DENND1A: variants seen among roughly 807,000 people sequenced by gnomAD.
DENND1A encodes DENN domain-containing protein 1A.
In DENND1A, 51 loss-of-function variants were observed where a neutral mutation model predicts 113.7. The ratio of observed to expected loss-of-function variants is 0.45; its 90% CI spans 0.36 to 0.57. The LOEUF (loss-of-function observed/expected upper bound fraction) is 0.57, where lower values mean the gene tolerates loss of function less well. Ranked by LOEUF, DENND1A falls within the 20% of genes least tolerant of loss-of-function variation. The probability of loss-of-function intolerance (pLI) is 0.00; values close to 1 mark genes in which losing one functional copy is unlikely to be tolerated. For missense variants in DENND1A, 1,258 were observed against 1,395.9 expected (o/e 0.90, Z 1.57); for synonymous variants, 565 against 570.8 (o/e 0.99, Z 0.14).
chr9:123,863,989 CAA>C (rs760383280), intron 2 of DENND1A, among the ~76,000 whole-genome samples: 106 of 134,736 alleles, frequency 7.9e-4, no homozygotes, highest in African/African-American at 2.6e-3. Context: ...TTGCTTCACT[CAA>C]AAAAAAAAAA....
At chr9:123,903,412 C>T (rs1009783013) in intron 1 of DENND1A, among the ~76,000 whole-genome samples, 2 of 150,306 alleles carry the variant, frequency 1.3e-5, no homozygotes, top group Non-Finnish European at 2.9e-5. Context: ...CAGCTCCCAG[C>T]GTGAGCAACA....
At chr9:123,436,109 G>C (rs2046496975) in intron 19 of DENND1A, among the ~76,000 whole-genome samples, 1 of 152,234 alleles carries the variant, frequency 6.6e-6, no homozygotes, top group Admixed American at 6.5e-5. Flanking sequence ...GGAAGGAGGA[G>C]CTTCCATTTC....
chr9:123,694,755 C>T (rs2065402762), intron 5 of DENND1A, among the ~76,000 whole-genome samples: 1 of 152,168 alleles, frequency 6.6e-6, no homozygotes, highest in African/African-American at 2.4e-5. Context: ...CTCTTTAGCT[C>T]CAAAGCTGAT....
intron 2 of DENND1A, among the ~76,000 whole-genome samples, chr9:123,797,345 A>C (rs1408869597): frequency 7.2e-5 from 11 of 152,198 alleles, no homozygotes. Context: ...ATAACAGTCC[A>C]CTACACTGCT....
intron 1 of DENND1A, among the ~76,000 whole-genome samples, chr9:123,892,478 A>G (rs1319440514): frequency 2.6e-5 from 4 of 152,252 alleles, no homozygotes; most frequent in Non-Finnish European, 4.4e-5. Flanking sequence ...AAGTGCAGCA[A>G]TGCCTTGAAA....
At chr9:123,427,004 A>C (rs2045784022) in intron 19 of DENND1A, among the ~76,000 whole-genome samples, 1 of 152,238 alleles carries the variant, frequency 6.6e-6, no homozygotes, top group Non-Finnish European at 1.5e-5. Flanking sequence ...AAGGGTGTTA[A>C]CAAAACATTC....
At chr9:123,602,631 G>C (rs927822401) in intron 11 of DENND1A, among the ~76,000 whole-genome samples, 1 of 152,226 alleles carries the variant, frequency 6.6e-6, no homozygotes, top group Non-Finnish European at 1.5e-5. Context: ...GCCTATGAAT[G>C]AAACTATCAG....
intron 9 of DENND1A, among the ~76,000 whole-genome samples, chr9:123,636,603 A>C (rs922219326): frequency 6.7e-6 from 1 of 150,104 alleles, no homozygotes; most frequent in Admixed American, 6.6e-5. Context: ...ACCTCCTACT[A>C]TGTTTGACAC....
At position 123,914,502 on chromosome 9, in the gene DENND1A, G is replaced by A. The variant is rs563247341; in HGVS notation, c.17+15387C>T. Among the ~76,000 whole-genome samples, 89 of 137,278 alleles carry A rather than the reference G, an allele frequency of 6.5e-4. 1 individual carries two copies. Among genetic ancestry groups the A allele is most frequent in the African/African-American group, 9.0e-4 (31 of 34,494 alleles). 90.1% of individuals were successfully genotyped at this position (137,278 alleles called of 152,430 possible). ...CAAGCTTGCAATAAGCCGAGATCGC[G>A]CCACTGCACTCCAGCCTGGGCAACA... On this transcript the variant is annotated intron_variant, in intron 1 of 23. Transcript: ENST00000394215.
chr9:123,711,522 T>TATATATATATATATATATAC (rs1564998453), intron 5 of DENND1A, among the ~76,000 whole-genome samples: 4 of 142,878 alleles, frequency 2.8e-5, no homozygotes, highest in African/African-American at 1.1e-4. Context: ...TGTATATATA[T>TATATATATATATATATATAC]ATATATATAT....
At chr9:123,806,066 G>A (rs1352655163) in intron 2 of DENND1A, among the ~76,000 whole-genome samples, 1 of 151,972 alleles carries the variant, frequency 6.6e-6, no homozygotes, top group Non-Finnish European at 1.5e-5. Context: ...TGATTCTCCT[G>A]CCTCAGCCTC....
chr9:123,582,647 C>T (rs560153617), intron 12 of DENND1A, among the ~76,000 whole-genome samples: 1 of 151,896 alleles, frequency 6.6e-6, no homozygotes, highest in Non-Finnish European at 1.5e-5. Context: ...GATCTGCCCG[C>T]CTTGGCCTCC....
At chr9:123,728,819 GA>G (rs907531558) in intron 5 of DENND1A, among the ~76,000 whole-genome samples, 7 of 152,008 alleles carry the variant, frequency 4.6e-5, no homozygotes, top group African/African-American at 1.7e-4. Context: ...ACAAAAAAAG[GA>G]AATTTCAGGC....
chr9:123,679,055 TACC>T (rs1478411655), intron 5 of DENND1A, among the ~76,000 whole-genome samples: 1 of 151,902 alleles, frequency 6.6e-6, no homozygotes, highest in Non-Finnish European at 1.5e-5. Flanking sequence ...GAAAGCAAAA[TACC>T]ACTAGTTAAA....
rs1316132305 is a variant in DENND1A at position 123,379,661 on chromosome 9, C to T, written c.*1771G>A. On this transcript the variant is annotated 3_prime_UTR_variant, in exon 24 of 24. Transcript: ENST00000394215. ...AGGACACGGGGATGCCAGCCTCTTC[C>T]CCAAGATGATTTTATTGAATGCACA... is the stretch of plus-strand genomic sequence containing the variant. 1 of 152,270 alleles carries T rather than the reference C, an allele frequency of 6.6e-6. No individual in the cohort carries two copies. Among genetic ancestry groups the T allele is most frequent in the Non-Finnish European group, 1.5e-5 (1 of 68,064 alleles). 9.4% of individuals were successfully genotyped at this position (152,270 alleles called of 1,614,324 possible). A position where few individuals can be genotyped will look rare whatever the true frequency, so the allele number is the denominator to read the frequency against.
At chr9:123,434,469 G>GC (rs1387891046) in intron 19 of DENND1A, among the ~76,000 whole-genome samples, 4 of 152,326 alleles carry the variant, frequency 2.6e-5, no homozygotes, top group Admixed American at 1.3e-4. Context: ...TGAATGCACA[G>GC]CAAGTGCTTC....
chr9:123,674,207 C>T (rs1163243919), intron 6 of DENND1A, among the ~76,000 whole-genome samples: 1 of 152,152 alleles, frequency 6.6e-6, no homozygotes, highest in Non-Finnish European at 1.5e-5. Flanking sequence ...ATCCCTTCCA[C>T]AAGGGTGCCC....
intron 19 of DENND1A, among the ~76,000 whole-genome samples, chr9:123,417,313 C>T (rs1157480348): frequency 6.6e-6 from 1 of 152,246 alleles, no homozygotes; most frequent in Non-Finnish European, 1.5e-5. Flanking sequence ...CAGCAAGGTT[C>T]TGTTGAAGGA....
intron 13 of DENND1A, among the ~76,000 whole-genome samples, chr9:123,521,653 C>G (rs1171786332): frequency 6.6e-6 from 1 of 152,230 alleles, no homozygotes; most frequent in African/African-American, 2.4e-5. Flanking sequence ...TCTGGCTTCT[C>G]TGTGTCACCA....
Sources: gnomAD v4.1 joint callset for allele counts (sites outside exome capture counted in the v4.1 genomes callset) on GRCh38, gnomAD v4.1.1 for gene constraint, MANE v1.5 for transcripts, NCBI Gene and HGNC (gene_info 2026-07-23, HGNC 2026-07-21) for gene names.